The following WDFY4 variants were observed in gnomAD, a reference collection of about 807,000 sequenced individuals.
The protein encoded by WDFY4 is WDFY family member 4.
Under a neutral mutation model 351.9 loss-of-function variants are expected in WDFY4, and 169 were observed. That is an observed-to-expected ratio of 0.48 (90% confidence interval 0.42 to 0.55). WDFY4 has a LOEUF of 0.55. WDFY4 is among the 20% of genes least tolerant of loss of function. The probability of loss-of-function intolerance (pLI) is 0.00; values close to 1 mark genes in which losing one functional copy is unlikely to be tolerated. For synonymous variants in WDFY4, 1,622 were observed against 1,574.6 expected (o/e 1.03, Z -0.71); for missense variants, 3,803 against 3,935.6 (o/e 0.97, Z 0.90).
rs993401916 is a variant in WDFY4 at position 48,966,636 on chromosome 10, C to T, written c.8547C>T (p.Ser2849=). The T allele has an allele frequency of 3.9e-6, 6 of 1,551,842 alleles. No individual in the cohort carries two copies. In the East Asian group the frequency reaches 1.5e-4, roughly 38 times the overall value. ...LPGHPQPFFY[S]LQSLRPSQVT... is the part of the protein sequence containing the mutation. Reference sequence around the variant, plus strand: ...GCCACCCACAGCCCTTTTTCTACAGCCTGCAGTCGCTGAGGCCCTCCCAGG... The same window carrying T: ...GCCACCCACAGCCCTTTTTCTACAGTCTGCAGTCGCTGAGGCCCTCCCAGG... The change falls in exon 55 of 62, where the codon AGC becomes AGT. Residue 2849 remains serine (S), a synonymous_variant. Coordinates refer to ENST00000325239, the MANE Select transcript of WDFY4 (RefSeq NM_001394531.1).
At chr10:48,745,617 T>G in intron 12 of WDFY4, 1 of 542,328 alleles carries the variant, frequency 1.8e-6, no homozygotes, top group Non-Finnish European at 3.5e-6. Flanking sequence ...TCTGCAGCCT[T>G]ATGAGCTATT....
intron 39 of WDFY4, among the ~76,000 whole-genome samples, chr10:48,850,490 T>C (rs2068922154): frequency 6.6e-6 from 1 of 150,632 alleles, no homozygotes; most frequent in African/African-American, 2.4e-5. Context: ...GCGCTTTCCC[T>C]GTAACTCTCT....
chr10:48,899,154 G>A (rs528481483), intron 45 of WDFY4, among the ~76,000 whole-genome samples: 86 of 152,294 alleles, frequency 5.6e-4, no homozygotes, highest in Middle Eastern at 3.4e-3. Context: ...AGCTTTTTGA[G>A]CAAGGCCACC....
chr10:48,978,195 A>G (rs1842657473), intron 59 of WDFY4, 114 bp from the exon 60 acceptor site: 2 of 989,734 alleles, frequency 2.0e-6, no homozygotes, highest in Non-Finnish European at 2.9e-6. Context: ...AAGGGGGGCC[A>G]TGTGTTCATC....
In WDFY4 at chr10:48,941,277, A is replaced by G. The variant is rs114485127; in HGVS notation, c.7587-529A>G. On this transcript the variant is annotated intron_variant, in intron 47 of 61. Transcript: ENST00000325239. ...ATCCCATGTATGATTGAAGTTTTTTAGAAACAAACAACAAAAAAAACTATG... is the reference window on the plus strand; with the variant it reads ...ATCCCATGTATGATTGAAGTTTTTTGGAAACAAACAACAAAAAAAACTATG... Among the ~76,000 whole-genome samples, 516 of 152,324 alleles carry G rather than the reference A, an allele frequency of 3.4e-3. 7 individuals carry two copies. Among genetic ancestry groups the G allele is most frequent in the African/African-American group, 0.012 (492 of 41,562 alleles).
chr10:48,872,233 T>C (rs972202834), intron 40 of WDFY4, among the ~76,000 whole-genome samples: 10 of 152,234 alleles, frequency 6.6e-5, no homozygotes, highest in African/African-American at 2.2e-4. Context: ...CTATAAGTCT[T>C]CCAGTTTTTT....
At chr10:48,833,172 T>TGAGAGAGAGA (rs35354863) in intron 39 of WDFY4, among the ~76,000 whole-genome samples, 9 of 135,900 alleles carry the variant, frequency 6.6e-5, no homozygotes, top group African/African-American at 1.9e-4. Context: ...TGTGTGTGTG[T>TGAGAGAGAGA]GAGAGAGAGA....
In WDFY4 at chr10:48,720,097, C is replaced by G. The variant is rs2064030943; in HGVS notation, c.321C>G (p.Leu107=). 1 of 1,551,856 alleles carries G rather than the reference C, an allele frequency of 6.4e-7. No homozygotes were observed. The highest frequency in any genetic ancestry group is 2.0e-5 in the Admixed American group (1 of 51,004). ...TGTCTGACCAGCTTGCCCAGCAACT[C>G]CAGAAGGCCCTTGTGGGGAAGCCTG... ...EDVSDQLAQQ[L]QKALVGKPAE... The change falls in exon 3 of 62, where the codon CTC becomes CTG. Residue 107 remains leucine, a synonymous_variant. Transcript: ENST00000325239.
chr10:48,842,116 A>C (rs529328996), intron 39 of WDFY4, among the ~76,000 whole-genome samples: 2 of 152,128 alleles, frequency 1.3e-5, no homozygotes, highest in South Asian at 4.2e-4. Context: ...TACTGGATCC[A>C]GGCCCCTCAG....
chr10:48,914,272 G>A (rs1189900671), intron 47 of WDFY4: 9 of 1,111,942 alleles, frequency 8.1e-6, no homozygotes, highest in Non-Finnish European at 1.1e-5. Context: ...GGAGATGCCA[G>A]AGGGCACTGG....
intron 47 of WDFY4, among the ~76,000 whole-genome samples, chr10:48,920,117 T>C (rs1838919408): frequency 7.5e-6 from 1 of 132,470 alleles, no homozygotes; most frequent in Non-Finnish European, 1.8e-5. Context: ...ATTAACAGAC[T>C]AAAAAGAAAA....
At chr10:48,850,120 C>A (rs1322857903) in intron 39 of WDFY4, among the ~76,000 whole-genome samples, 1 of 152,114 alleles carries the variant, frequency 6.6e-6, no homozygotes, top group Admixed American at 6.5e-5. Context: ...TGATGTTAAC[C>A]CTTATCATGG....
At chr10:48,733,413 A>C (rs902647080) in intron 9 of WDFY4, among the ~76,000 whole-genome samples, 8 of 152,206 alleles carry the variant, frequency 5.3e-5, no homozygotes, top group African/African-American at 1.7e-4. Flanking sequence ...TTTTGCCCTC[A>C]TGGGTCTACT....
intron 39 of WDFY4, among the ~76,000 whole-genome samples, chr10:48,844,525 G>A (rs2068713433): frequency 6.6e-6 from 1 of 152,106 alleles, no homozygotes; most frequent in Non-Finnish European, 1.5e-5. Context: ...CCTGGAGGCA[G>A]AGGTTGCAGT....
chr10:48,808,035 A>G, intron 28 of WDFY4, 77 bp downstream of exon 28: 1 of 1,210,052 alleles, frequency 8.3e-7, no homozygotes, highest in Non-Finnish European at 1.1e-6. Context: ...TTCTTAATGA[A>G]AAGTTTAGCA....
chr10:48,974,498 G>C (rs537480307), intron 57 of WDFY4, among the ~76,000 whole-genome samples: 1 of 2,446 alleles, frequency 4.1e-4, no homozygotes, highest in African/African-American at 5.2e-4. Context: ...GCAAGACTCC[G>C]TCTCAAAAAA....
intron 53 of WDFY4, among the ~76,000 whole-genome samples, chr10:48,960,476 C>T (rs181937384): frequency 1.6e-4 from 24 of 152,288 alleles, no homozygotes; most frequent in African/African-American, 5.8e-4. Flanking sequence ...GTGGGAAAAG[C>T]AAAACGGTAC....
At chr10:48,739,385 A>C (rs1273099373) in intron 11 of WDFY4, among the ~76,000 whole-genome samples, 1 of 152,176 alleles carries the variant, frequency 6.6e-6, no homozygotes, top group East Asian at 1.9e-4. Context: ...CTTTGACTTC[A>C]GCTGATTAAA....
intron 19 of WDFY4, among the ~76,000 whole-genome samples, chr10:48,780,418 A>C (rs371086692): frequency 9.8e-5 from 15 of 152,352 alleles, no homozygotes; most frequent in East Asian, 9.6e-4. Context: ...AGAATGAACA[A>C]AGCAAAGCTT....
Sources: allele counts gnomAD v4.1 joint callset (sites outside exome capture counted in the v4.1 genomes callset), GRCh38; gene constraint gnomAD v4.1.1; transcripts MANE v1.5; gene names NCBI Gene and HGNC (gene_info 2026-07-23, HGNC 2026-07-21).